Variants in DAD1 observed in about 807,000 individuals in gnomAD.
DAD1 encodes the protein dolichyl-diphosphooligosaccharide--protein glycosyltransferase subunit DAD1.
A neutral mutation model predicts 9.0 loss-of-function variants in DAD1; 4 were observed. The observed-to-expected ratio is 0.44, with a 90% confidence interval of 0.22 to 1.01. DAD1 has a LOEUF of 1.01. DAD1 is among the 50% of genes least tolerant of loss of function. DAD1 has a pLI of 0.24. For synonymous variants in DAD1, 60 were observed against 62.5 expected (o/e 0.96, Z 0.19); for missense variants, 119 against 137.3 (o/e 0.87, Z 0.67).
chr14:22,588,261 A>C (rs1566375926), intron 1 of DAD1, among the ~76,000 whole-genome samples: 2 of 152,248 alleles, frequency 1.3e-5, no homozygotes, highest in Admixed American at 1.3e-4. Context: ...GCCTGTTTTC[A>C]GTATTCACTG....
At chr14:22,574,167 A>G (rs551942840) in intron 2 of DAD1, among the ~76,000 whole-genome samples, 2 of 152,362 alleles carry the variant, frequency 1.3e-5, no homozygotes, top group South Asian at 4.1e-4. Context: ...TACGGGGCCA[A>G]GAACACCGCT....
chr14:22,573,831 C>T (rs781609398), intron 2 of DAD1, among the ~76,000 whole-genome samples: 9 of 151,696 alleles, frequency 5.9e-5, no homozygotes, highest in Non-Finnish European at 1.3e-4. Context: ...GTTTTTGAGG[C>T]AGTATCAAAG....
intron 1 of DAD1, among the ~76,000 whole-genome samples, chr14:22,577,227 A>G (rs935146150): frequency 5.3e-5 from 8 of 152,192 alleles, no homozygotes; most frequent in African/African-American, 1.9e-4. Flanking sequence ...CGAGGTCAGG[A>G]GTTCGAGACC....
chr14:22,580,039 TC>T (rs1424914752), intron 1 of DAD1, among the ~76,000 whole-genome samples: 1 of 151,792 alleles, frequency 6.6e-6, no homozygotes, highest in East Asian at 1.9e-4. Context: ...AGACAAGGTC[TC>T]CCTATGTTGC....
intron 1 of DAD1, among the ~76,000 whole-genome samples, chr14:22,583,389 T>C (rs1280767143): frequency 6.6e-6 from 1 of 150,774 alleles, no homozygotes; most frequent in Non-Finnish European, 1.5e-5. Flanking sequence ...ACTTTCCTTT[T>C]ACACAGAAGC....
rs74350394 is a variant in DAD1 at position 22,584,046 on chromosome 14, C to T, written c.211+4901G>A. 1.2e-4 allele frequency among the ~76,000 whole-genome samples: 19 copies of T among 152,180 alleles called. No individual in the cohort carries two copies. The East Asian group carries it at 3.3e-3, about 26-fold the overall frequency. On this transcript the variant is annotated intron_variant, in intron 1 of 2. Coordinates refer to ENST00000250498, the MANE Select transcript of DAD1 (RefSeq NM_001344.4). ...GATGCACATTGTGTTCCCATTCTCA[C>T]CAATAATTCTCCATCAGCACCATAT... is the stretch of plus-strand genomic sequence containing the variant.
chr14:22,586,493 C>T (rs1293953054), intron 1 of DAD1, among the ~76,000 whole-genome samples: 5 of 152,090 alleles, frequency 3.3e-5, no homozygotes, highest in South Asian at 4.1e-4. Flanking sequence ...TGCAGTGAAC[C>T]GAGATCGCCA....
chr14:22,583,684 A>C (rs1311258176), intron 1 of DAD1, among the ~76,000 whole-genome samples: 1 of 152,108 alleles, frequency 6.6e-6, no homozygotes, highest in Non-Finnish European at 1.5e-5. Flanking sequence ...AACAGAAATT[A>C]ATGACACGGA....
intron 1 of DAD1, among the ~76,000 whole-genome samples, chr14:22,585,593 G>T (rs1185235690): frequency 9.2e-5 from 14 of 152,168 alleles, no homozygotes; most frequent in Admixed American, 2.0e-4. Flanking sequence ...CACAAAAAAA[G>T]ATCTCTCAAT....
intron 2 of DAD1, among the ~76,000 whole-genome samples, chr14:22,571,811 G>C (rs1000834866): frequency 1.6e-4 from 24 of 151,876 alleles, no homozygotes; most frequent in Non-Finnish European, 8.8e-5. Context: ...TGTCTTTTTA[G>C]TAGAGACGAG....
At chr14:22,577,254 T>C (rs1420248475) in intron 1 of DAD1, among the ~76,000 whole-genome samples, 1 of 151,850 alleles carries the variant, frequency 6.6e-6, no homozygotes, top group East Asian at 1.9e-4. Flanking sequence ...GCCAACATGG[T>C]GAAACCCCGT....
chr14:22,576,968 G>A (rs907886164), intron 1 of DAD1, among the ~76,000 whole-genome samples: 1 of 152,104 alleles, frequency 6.6e-6, no homozygotes, highest in East Asian at 1.9e-4. Flanking sequence ...AAAAACAAGA[G>A]TTGGCAAGAA....
chr14:22,565,180 G>A (rs1290765090), intron 2 of DAD1, 43 bp from the exon 3 acceptor site: 5 of 701,288 alleles, frequency 7.1e-6, no homozygotes, highest in Non-Finnish European at 1.3e-5. Context: ...TATGATACTA[G>A]AGACAGGGCC....
At chr14:22,577,476 A>G (rs2037085268) in intron 1 of DAD1, among the ~76,000 whole-genome samples, 1 of 152,202 alleles carries the variant, frequency 6.6e-6, no homozygotes, top group Non-Finnish European at 1.5e-5. Context: ...CTCTCAAGCA[A>G]TATTTGCATA....
intron 1 of DAD1, among the ~76,000 whole-genome samples, chr14:22,575,516 C>T (rs1454645970): frequency 6.6e-6 from 1 of 151,902 alleles, no homozygotes; most frequent in African/African-American, 2.4e-5. Flanking sequence ...GGATGAATTG[C>T]ACAAGTAAGT....
At chr14:22,568,507 T>C (rs1003961827) in intron 2 of DAD1, among the ~76,000 whole-genome samples, 2 of 152,108 alleles carry the variant, frequency 1.3e-5, no homozygotes, top group African/African-American at 2.4e-5. Flanking sequence ...ACAAAAACAG[T>C]ACAATCCTCC....
At position 22,572,028 on chromosome 14, in the gene DAD1, AAG is replaced by A. The variant is rs5742816; in HGVS notation, c.*44+3029_*44+3030del. ...TTCTGAAAATAAAATGATATAGAACAAGAAGTACTTAAAGCATAGCACACACT... is the reference window on the plus strand; with the variant it reads ...TTCTGAAAATAAAATGATATAGAACAAAGTACTTAAAGCATAGCACACACT... On this transcript the variant is annotated intron_variant, in intron 2 of 2. Transcript: ENST00000250498. 6.2e-4 allele frequency among the ~76,000 whole-genome samples: 95 copies of A among 152,278 alleles called. 1 individual carries two copies. In the Middle Eastern group the frequency reaches 0.01, roughly 16 times the overall value.
At chr14:22,579,856 T>TTTTTG in intron 1 of DAD1, among the ~76,000 whole-genome samples, 1 of 150,860 alleles carries the variant, frequency 6.6e-6, no homozygotes, top group Non-Finnish European at 1.5e-5. Flanking sequence ...TTTTTTTTTT[T>TTTTTG]TGAGACAGGG....
rs1420848381 is a variant in DAD1, at chr14:22,586,349, C to A, written c.211+2598G>T. On this transcript the variant is annotated intron_variant, in intron 1 of 2. Transcript: ENST00000250498. ...TCACCTGAGGTCAGGAGTTTGAGAC[C>A]AGCCTGACCAACATGGAGAAACTCC... 2.0e-5 allele frequency among the ~76,000 whole-genome samples: 3 copies of A among 151,822 alleles called. No homozygotes were observed. The East Asian group carries it at 5.8e-4, about 29-fold the overall frequency.
Sources: gnomAD v4.1 joint callset for allele counts (sites outside exome capture counted in the v4.1 genomes callset) on GRCh38, gnomAD v4.1.1 for gene constraint, MANE v1.5 for transcripts, NCBI Gene and HGNC (gene_info 2026-07-23, HGNC 2026-07-21) for gene names.